The following FAF1 variants were observed in gnomAD, a reference collection of about 807,000 sequenced individuals.
The protein encoded by FAF1 is Fas associated factor 1.
FAF1 carries 25 observed loss-of-function variants against 92.5 expected under a neutral mutation model. That is an observed-to-expected ratio of 0.27 (90% CI 0.20 to 0.38). The LOEUF (loss-of-function observed/expected upper bound fraction) is 0.38, where lower values mean the gene tolerates loss of function less well. Among genes scored for constraint, FAF1 ranks in the 10% least tolerant of loss-of-function variants. FAF1 has a pLI of 1.00. For missense variants in FAF1, 636 were observed against 793.3 expected, an observed-to-expected ratio of 0.80 and a Z score of 2.38; for synonymous variants, 234 against 273.2, an observed-to-expected ratio of 0.86 and a Z score of 1.42.
chr1:50,565,694 C>G (rs1209276336), intron 13 of FAF1, among the ~76,000 whole-genome samples: 2 of 152,034 alleles, frequency 1.3e-5, no homozygotes, highest in African/African-American at 4.8e-5. Context: ...AGAAACTACA[C>G]TGCAATTTTT....
At chr1:50,703,572 T>TTA (rs1657558802) in intron 7 of FAF1, among the ~76,000 whole-genome samples, 1 of 152,104 alleles carries the variant, frequency 6.6e-6, no homozygotes. Flanking sequence ...TTTAAAAATA[T>TTA]TATTTTAAAT....
intron 1 of FAF1, among the ~76,000 whole-genome samples, chr1:50,956,709 G>A (rs1198571154): frequency 6.6e-6 from 1 of 152,190 alleles, no homozygotes; most frequent in East Asian, 1.9e-4. Flanking sequence ...AGCACTTTGG[G>A]AGGCCAAGGC....
At chr1:50,910,287 G>T (rs572885997) in intron 1 of FAF1, among the ~76,000 whole-genome samples, 1 of 152,300 alleles carries the variant, frequency 6.6e-6, no homozygotes, top group African/African-American at 2.4e-5. Flanking sequence ...GTGTCAGTCA[G>T]CCCCTACTGG....
intron 2 of FAF1, among the ~76,000 whole-genome samples, chr1:50,854,569 TA>T (rs1392447312): frequency 2.6e-5 from 4 of 151,912 alleles, no homozygotes; most frequent in Non-Finnish European, 5.9e-5. Context: ...TTGACATATA[TA>T]ATCTAACCTG....
rs12564740 is a variant in FAF1 at position 50,700,796 on chromosome 1, A to G, written c.657+4990T>C. 4.0e-4 allele frequency among the ~76,000 whole-genome samples: 61 copies of G among 152,216 alleles called. No homozygotes were observed. In the East Asian group the frequency reaches 0.01, roughly 26 times the overall value. ...TTCTATCGTCTTGAAATGCAGGTAG[A>G]CAAATACTTATATGGGCCAAAAAAG... On this transcript the variant is annotated intron_variant, in intron 7 of 18. Coordinates refer to ENST00000396153, the MANE Select transcript of FAF1 (RefSeq NM_007051.3).
At chr1:50,701,745 T>C (rs1164201653) in intron 7 of FAF1, among the ~76,000 whole-genome samples, 4 of 152,104 alleles carry the variant, frequency 2.6e-5, no homozygotes, top group Non-Finnish European at 4.4e-5. Flanking sequence ...TGAGACTTAT[T>C]CAACTCTATT....
At chr1:50,761,402 C>A (rs1234305409) in intron 4 of FAF1, among the ~76,000 whole-genome samples, 2 of 152,190 alleles carry the variant, frequency 1.3e-5, no homozygotes, top group African/African-American at 4.8e-5. Flanking sequence ...GAATTTTAGA[C>A]CAATATCCTT....
At chr1:50,560,424 C>G (rs1649848198) in intron 13 of FAF1, among the ~76,000 whole-genome samples, 1 of 152,188 alleles carries the variant, frequency 6.6e-6, no homozygotes, top group Admixed American at 6.5e-5. Context: ...CTGACAGGCA[C>G]AGAATTCTGT....
rs982165978 is a variant in FAF1, at chr1:50,959,944, G to A, written c.-133C>T. On this transcript the variant is annotated 5_prime_UTR_variant, in exon 1 of 19. Coordinates refer to ENST00000396153, the MANE Select transcript of FAF1 (RefSeq NM_007051.3). ...GGGGCTGGCGGGCGAGCCGGCGGGCGGGTCGGCGGGCCAGCGGGCGGGGCA... is the reference window on the plus strand; with the variant it reads ...GGGGCTGGCGGGCGAGCCGGCGGGCAGGTCGGCGGGCCAGCGGGCGGGGCA... The A allele has an allele frequency of 2.4e-6, 1 of 416,198 alleles. No homozygotes were observed. Among genetic ancestry groups the A allele is most frequent in the Non-Finnish European group, 3.7e-6 (1 of 272,070 alleles). The allele number at this position is 416,198 out of a possible 1,614,324, so 25.8% of individuals were successfully genotyped here.
chr1:50,747,467 T>C (rs1290747360), intron 4 of FAF1, among the ~76,000 whole-genome samples: 1 of 152,196 alleles, frequency 6.6e-6, no homozygotes, highest in African/African-American at 2.4e-5. Flanking sequence ...TTTCTCCCTT[T>C]TGGAATGGGA....
Position 50,439,629 on chromosome 1 carries a change from G to A in FAF1, c.*1811C>T, listed in dbSNP as rs1187110118. Reference sequence around the variant, plus strand: ...AAACCCCACCCACACCCCTGCTGCTGTTCCTGAGTATGACCTGAGTTCAGG... The same window carrying A: ...AAACCCCACCCACACCCCTGCTGCTATTCCTGAGTATGACCTGAGTTCAGG... On this transcript the variant is annotated 3_prime_UTR_variant, in exon 19 of 19. Transcript: ENST00000396153. 1 of 152,096 alleles carries A rather than the reference G, an allele frequency of 6.6e-6. No individual in the cohort carries two copies. The highest frequency in any genetic ancestry group is 1.5e-5 in the Non-Finnish European group (1 of 68,018). 9.4% of individuals were successfully genotyped at this position (152,096 alleles called of 1,614,324 possible). A position where few individuals can be genotyped will look rare whatever the true frequency, so the allele number is the denominator to read the frequency against.
chr1:50,713,083 A>T (rs976398354), intron 6 of FAF1, among the ~76,000 whole-genome samples: 2 of 146,880 alleles, frequency 1.4e-5, no homozygotes, highest in Non-Finnish European at 3.0e-5. Context: ...CCTCTTGAGG[A>T]TAGAAGGGGG....
chr1:50,468,734 C>T (rs1340308685), intron 18 of FAF1, among the ~76,000 whole-genome samples: 1 of 152,040 alleles, frequency 6.6e-6, no homozygotes, highest in Admixed American at 6.6e-5. Flanking sequence ...GCTGGGATTA[C>T]AGGTGTGAGC....
chr1:50,853,313 C>T (rs1303471687), intron 2 of FAF1, among the ~76,000 whole-genome samples: 2 of 152,084 alleles, frequency 1.3e-5, no homozygotes, highest in Non-Finnish European at 2.9e-5. Context: ...TAAAATGAGG[C>T]AGATTATGTG....
At chr1:50,844,495 C>A (rs1644281680) in intron 2 of FAF1, among the ~76,000 whole-genome samples, 1 of 151,222 alleles carries the variant, frequency 6.6e-6, no homozygotes, top group Non-Finnish European at 1.5e-5. Flanking sequence ...TTGCGCACAG[C>A]AAAATATAAC....
intron 1 of FAF1, among the ~76,000 whole-genome samples, chr1:50,864,627 G>A (rs879764418): frequency 0.014 from 2,070 of 151,342 alleles, 22 homozygotes; most frequent in Middle Eastern, 0.021. Context: ...TGGGAAAACT[G>A]GCTAGCCATA....
intron 7 of FAF1, among the ~76,000 whole-genome samples, chr1:50,700,716 A>G (rs953347173): frequency 1.4e-4 from 21 of 152,150 alleles, no homozygotes; most frequent in African/African-American, 5.1e-4. Context: ...TTTGATACAC[A>G]TATCTTAAGT....
chr1:50,674,890 T>TTATTG (rs1287741918), intron 7 of FAF1, among the ~76,000 whole-genome samples: 2 of 151,704 alleles, frequency 1.3e-5, no homozygotes, highest in African/African-American at 4.8e-5. Flanking sequence ...TTATTTTATT[T>TTATTG]TATTTTATTT....
At chr1:50,564,295 T>TTTTTTTTTTTTTTTTTTTTTTTTTTTTTG (rs1266408950) in intron 13 of FAF1, among the ~76,000 whole-genome samples, 2 of 152,064 alleles carry the variant, frequency 1.3e-5, no homozygotes, top group Non-Finnish European at 1.5e-5. Context: ...TCTAAATTTT[T>TTTTTTTTTTTTTTTTTTTTTTTTTTTTTG]ATGGCCTGTC....
Sources: gnomAD v4.1 joint callset for allele counts (sites outside exome capture counted in the v4.1 genomes callset) on GRCh38, gnomAD v4.1.1 for gene constraint, MANE v1.5 for transcripts, NCBI Gene and HGNC (gene_info 2026-07-23, HGNC 2026-07-21) for gene names.